The following MYO16 variants were observed in gnomAD, a reference collection of about 807,000 sequenced individuals.
The protein encoded by MYO16 is myosin XVI, also known as unconventional myosin-XVI.
Under a neutral mutation model 205.3 loss-of-function variants are expected in MYO16, and 94 were observed. That is an observed-to-expected ratio of 0.46 (90% confidence interval 0.39 to 0.54). MYO16 has a LOEUF of 0.54. MYO16 is among the 20% of genes least tolerant of loss of function. The pLI is 0.00. For synonymous variants in MYO16, 988 were observed against 954.0 expected, an observed-to-expected ratio of 1.04 and a Z score of -0.66; for missense variants, 2,315 against 2,387.5, an observed-to-expected ratio of 0.97 and a Z score of 0.63.
At chr13:109,069,754 C>A (rs1887868582) in intron 27 of MYO16, among the ~76,000 whole-genome samples, 1 of 152,056 alleles carries the variant, frequency 6.6e-6, no homozygotes, top group Non-Finnish European at 1.5e-5. Flanking sequence ...CCTAATTTAG[C>A]CTTAATTACT....
intron 8 of MYO16, 110 bp from the exon 9 acceptor site, chr13:108,823,015 C>G (rs563863393): frequency 9.6e-7 from 1 of 1,043,084 alleles, no homozygotes; most frequent in African/African-American, 1.6e-5. Flanking sequence ...TTGATTCATA[C>G]ATTGATAAAT....
intron 2 of MYO16, among the ~76,000 whole-genome samples, chr13:108,672,197 T>C (rs947447327): frequency 2.6e-5 from 4 of 152,188 alleles, no homozygotes; most frequent in African/African-American, 9.6e-5. Context: ...CTAGCATATG[T>C]ATTACTTCTC....
chr13:109,120,286 G>T (rs1158199466), intron 28 of MYO16, 84 bp from the exon 29 acceptor site: 5 of 965,614 alleles, frequency 5.2e-6, no homozygotes, highest in Non-Finnish European at 7.8e-6. Flanking sequence ...TCCTCTGCTG[G>T]AAAAATATTT....
chr13:109,006,570 C>T (rs545591451), intron 21 of MYO16, among the ~76,000 whole-genome samples: 18 of 152,212 alleles, frequency 1.2e-4, no homozygotes, highest in South Asian at 4.2e-4. Flanking sequence ...CAAAAGCTTT[C>T]GCATTTCTTT....
chr13:108,564,213 C>T, the MYO16 span, among the ~76,000 whole-genome samples: 1 of 149,436 alleles, frequency 6.7e-6, no homozygotes, highest in East Asian at 2.0e-4. Context: ...CTCTCTTGCC[C>T]AGGCTGGAAT....
chr13:108,926,055 C>T (rs548985291), intron 16 of MYO16, among the ~76,000 whole-genome samples: 13 of 152,342 alleles, frequency 8.5e-5, no homozygotes, highest in Middle Eastern at 3.4e-3. Context: ...CTCAGAGCCG[C>T]GTGCTCCATG....
intron 4 of MYO16, among the ~76,000 whole-genome samples, chr13:108,744,033 G>A (rs781257648): frequency 6.6e-6 from 1 of 152,178 alleles, no homozygotes; most frequent in Non-Finnish European, 1.5e-5. Context: ...ACATTTAAAT[G>A]GTTCAAGGTA....
At chr13:108,886,666 C>T (rs11842213) in intron 13 of MYO16, among the ~76,000 whole-genome samples, 67,412 of 151,690 alleles carry the variant, frequency 0.44, 15,229 homozygotes, top group East Asian at 0.5. Flanking sequence ...TGCACGTGTG[C>T]TAAGGAACGG....
chr13:108,615,956 A>G (rs1433300957), intron 1 of MYO16, among the ~76,000 whole-genome samples: 1 of 152,198 alleles, frequency 6.6e-6, no homozygotes, highest in African/African-American at 2.4e-5. Context: ...TTCTCTGCAC[A>G]AATGCAGTCC....
At chr13:108,762,740 C>T (rs1477646352) in intron 4 of MYO16, among the ~76,000 whole-genome samples, 1 of 152,148 alleles carries the variant, frequency 6.6e-6, no homozygotes, top group East Asian at 1.9e-4. Flanking sequence ...TAGAATTTGG[C>T]AGGGATCTTG....
chr13:108,620,704 C>T (rs1469070268), intron 1 of MYO16, among the ~76,000 whole-genome samples: 1 of 152,224 alleles, frequency 6.6e-6, no homozygotes, highest in East Asian at 1.9e-4. Context: ...ATGGGATGTG[C>T]TGTCCACTTC....
chr13:108,495,863 G>T, the MYO16 span, among the ~76,000 whole-genome samples: 2 of 151,918 alleles, frequency 1.3e-5, no homozygotes, highest in Non-Finnish European at 2.9e-5. Flanking sequence ...TGGTTTCCGA[G>T]CCGAGTCCCG....
At chr13:108,714,156 C>T (rs552373563) in intron 3 of MYO16, among the ~76,000 whole-genome samples, 485 of 152,242 alleles carry the variant, frequency 3.2e-3, no homozygotes, top group Non-Finnish European at 5.4e-3. Context: ...TCCTGGTTCA[C>T]GCCATTCTCC....
At chr13:108,763,662 C>A (rs1018697606) in intron 4 of MYO16, among the ~76,000 whole-genome samples, 4 of 152,038 alleles carry the variant, frequency 2.6e-5, no homozygotes, top group Non-Finnish European at 5.9e-5. Context: ...TTAACGAAAT[C>A]TTTTTGTGTG....
chr13:108,954,025 G>T (rs891402394), intron 16 of MYO16, among the ~76,000 whole-genome samples: 9 of 152,302 alleles, frequency 5.9e-5, no homozygotes, highest in Middle Eastern at 3.4e-3. Flanking sequence ...AGACCTGTCT[G>T]CAACTACCGG....
intron 1 of MYO16, among the ~76,000 whole-genome samples, chr13:108,652,154 TGC>T (rs137904962): frequency 3.3e-5 from 5 of 151,090 alleles, no homozygotes; most frequent in African/African-American, 4.9e-5. Flanking sequence ...TGTGTGTGTG[TGC>T]GCGCGCGCGC....
At chr13:109,123,428 G>A (rs370350387) in intron 29 of MYO16, among the ~76,000 whole-genome samples, 8 of 152,044 alleles carry the variant, frequency 5.3e-5, no homozygotes, top group Non-Finnish European at 1.0e-4. Flanking sequence ...TCACCCTTCC[G>A]AAAGCCAATG....
At chr13:108,689,762 A>G (rs2139490453) in intron 2 of MYO16, among the ~76,000 whole-genome samples, 1 of 152,306 alleles carries the variant, frequency 6.6e-6, no homozygotes, top group South Asian at 2.1e-4. Context: ...CTCAAACAAT[A>G]CCAAACCAGA....
chr13:108,985,165 G>A (rs1273334811), intron 20 of MYO16, among the ~76,000 whole-genome samples: 1 of 152,200 alleles, frequency 6.6e-6, no homozygotes, highest in African/African-American at 2.4e-5. Context: ...GAATAATAGA[G>A]TTGGTCACTG....
Sources: allele counts gnomAD v4.1 joint callset (sites outside exome capture counted in the v4.1 genomes callset), GRCh38; gene constraint gnomAD v4.1.1; transcripts MANE v1.5; gene names NCBI Gene and HGNC (gene_info 2026-07-23, HGNC 2026-07-21).